NSG2: variants seen among roughly 807,000 people sequenced by gnomAD.
The protein encoded by NSG2 is neuronal vesicle trafficking-associated protein 2.
Under a neutral mutation model 16.9 loss-of-function variants are expected in NSG2, and 4 were observed. The observed-to-expected ratio is 0.24, with a 90% confidence interval of 0.12 to 0.54. The LOEUF is 0.54. Ranked by LOEUF, NSG2 falls within the 20% of genes least tolerant of loss-of-function variation. The pLI is 0.95. For synonymous variants in NSG2, 98 were observed against 88.7 expected (o/e 1.11, Z -0.59); for missense variants, 179 against 221.1 (o/e 0.81, Z 1.21).
intron 3 of NSG2, among the ~76,000 whole-genome samples, chr5:174,094,154 T>C (rs571139471): frequency 7.8e-4 from 119 of 152,354 alleles, no homozygotes; most frequent in Non-Finnish European, 1.4e-3. Context: ...CTAAGCAGGC[T>C]GTACTCCTTC....
At chr5:174,083,445 TA>T (rs1760530995) in intron 3 of NSG2, among the ~76,000 whole-genome samples, 1 of 152,164 alleles carries the variant, frequency 6.6e-6, no homozygotes, top group African/African-American at 2.4e-5. Flanking sequence ...TGGAACAGCG[TA>T]ACTTTCCTGA....
chr5:174,095,649 C>A (rs1001149973), intron 3 of NSG2, among the ~76,000 whole-genome samples: 8 of 152,126 alleles, frequency 5.3e-5, no homozygotes, highest in Non-Finnish European at 8.8e-5. Context: ...AATAAGATCA[C>A]ATTGACAGGT....
chr5:174,046,299 C>G (rs1027266886), intron 1 of NSG2: 1 of 158,406 alleles, frequency 6.3e-6, no homozygotes, highest in African/African-American at 2.4e-5. Context: ...TGATGGAAAA[C>G]CAACATAATA....
intron 3 of NSG2, among the ~76,000 whole-genome samples, chr5:174,080,554 T>TCTCTCTCTCTCTCTCTCTCTCTCTC (rs1398255846): frequency 1.2e-3 from 175 of 145,988 alleles, no homozygotes; most frequent in African/African-American, 4.2e-3. Context: ...TCTCTCTTTC[T>TCTCTCTCTCTCTCTCTCTCTCTCTC]TTTCTTTCTT....
At chr5:174,095,939 G>A (rs1477143579) in intron 3 of NSG2, among the ~76,000 whole-genome samples, 1 of 152,236 alleles carries the variant, frequency 6.6e-6, no homozygotes, top group African/African-American at 2.4e-5. Flanking sequence ...CAAGCTTTAT[G>A]AGGAGGATAG....
intron 2 of NSG2, among the ~76,000 whole-genome samples, chr5:174,047,436 T>A (rs115143059): frequency 0.012 from 1,850 of 152,192 alleles, 25 homozygotes; most frequent in Middle Eastern, 0.021. Flanking sequence ...ACAACTAAAT[T>A]CTATTGGGGT....
intron 3 of NSG2, among the ~76,000 whole-genome samples, chr5:174,084,924 G>C (rs1362807995): frequency 6.6e-6 from 1 of 152,164 alleles, no homozygotes; most frequent in African/African-American, 2.4e-5. Flanking sequence ...TAATTTTCTT[G>C]TCTTTGTACA....
chr5:174,080,887 G>A (rs1760449840), intron 3 of NSG2, among the ~76,000 whole-genome samples: 1 of 152,098 alleles, frequency 6.6e-6, no homozygotes, highest in Non-Finnish European at 1.5e-5. Context: ...TTTCTATCTA[G>A]AAGCAAGATT....
intron 3 of NSG2, chr5:174,082,530 G>A (rs1760499720): frequency 6.6e-6 from 1 of 152,184 alleles, no homozygotes; most frequent in Non-Finnish European, 1.5e-5. Flanking sequence ...CCTGTTGCAG[G>A]TCTGCAGAGT....
intron 4 of NSG2, among the ~76,000 whole-genome samples, chr5:174,106,374 C>T (rs985421635): frequency 2.2e-4 from 33 of 151,958 alleles, no homozygotes; most frequent in African/African-American, 7.5e-4. Flanking sequence ...ATATTTCAAC[C>T]GGTTGTAGAT....
chr5:174,077,099 C>T (rs1360431858), intron 3 of NSG2, among the ~76,000 whole-genome samples: 1 of 152,086 alleles, frequency 6.6e-6, no homozygotes, highest in Non-Finnish European at 1.5e-5. Flanking sequence ...ATGAGATGGC[C>T]ACAGGAAGTG....
At chr5:174,106,158 CA>C (rs1430165150) in intron 4 of NSG2, among the ~76,000 whole-genome samples, 1 of 152,138 alleles carries the variant, frequency 6.6e-6, no homozygotes, top group Non-Finnish European at 1.5e-5. Flanking sequence ...AGGAAGGATA[CA>C]TTTTAAAAAT....
At chr5:174,105,188 T>C (rs751590672) in intron 4 of NSG2, among the ~76,000 whole-genome samples, 12 of 152,240 alleles carry the variant, frequency 7.9e-5, no homozygotes, top group Non-Finnish European at 1.6e-4. Context: ...AGAGAGTGTT[T>C]AGTTAAGAAG....
intron 3 of NSG2, among the ~76,000 whole-genome samples, chr5:174,092,730 G>A (rs1040338099): frequency 6.6e-6 from 1 of 152,048 alleles, no homozygotes; most frequent in African/African-American, 2.4e-5. Flanking sequence ...GTACATTAGC[G>A]CACTGATTTA....
chr5:174,061,486 A>G (rs926342843), intron 2 of NSG2, among the ~76,000 whole-genome samples: 2 of 152,238 alleles, frequency 1.3e-5, no homozygotes, highest in African/African-American at 4.8e-5. Context: ...CAGCAAAGCA[A>G]GTTCTTGTAG....
intron 2 of NSG2, among the ~76,000 whole-genome samples, chr5:174,061,483 G>A (rs543757799): frequency 2.0e-5 from 3 of 152,340 alleles, no homozygotes; most frequent in East Asian, 3.9e-4. Context: ...TGCCAGCAAA[G>A]CAAGTTCTTG....
At chr5:174,066,153 C>T (rs1014787660) in intron 3 of NSG2, 3 of 455,726 alleles carry the variant, frequency 6.6e-6, no homozygotes, top group African/African-American at 6.0e-5. Flanking sequence ...CTAGATGCCA[C>T]CCTCCTCTTG....
At position 174,105,057 on chromosome 5, in the gene NSG2, T is replaced by A. The variant is rs191662629; in HGVS notation, c.324+719T>A. 4.7e-4 allele frequency among the ~76,000 whole-genome samples: 71 copies of A among 152,348 alleles called. 1 individual carries two copies. Among genetic ancestry groups the A allele is most frequent in the African/African-American group, 1.7e-3 (69 of 41,586 alleles). The stretch of plus-strand genomic sequence containing the variant: ...ATTTATAATTACCATTTGCTGAGTA[T>A]CTCTAATACATCAGACCCTTTGCTA... On this transcript the variant is annotated intron_variant, in intron 4 of 4. Transcript: ENST00000303177.
chr5:174,061,339 A>T (rs1760048055), intron 2 of NSG2, among the ~76,000 whole-genome samples: 1 of 152,222 alleles, frequency 6.6e-6, no homozygotes. Context: ...ATATCCTTTT[A>T]GTTCACAAAG....
Sources: allele counts gnomAD v4.1 joint callset (sites outside exome capture counted in the v4.1 genomes callset), GRCh38; gene constraint gnomAD v4.1.1; transcripts MANE v1.5; gene names NCBI Gene and HGNC (gene_info 2026-07-23, HGNC 2026-07-21).